Variants in FRMD1 observed in about 807,000 individuals in gnomAD.
FRMD1 encodes the protein FERM domain containing 1.
FRMD1 carries 51 observed loss-of-function variants against 54.9 expected under a neutral mutation model. The ratio of observed to expected loss-of-function variants is 0.93; its 90% CI spans 0.74 to 1.17. The LOEUF (loss-of-function observed/expected upper bound fraction) is 1.17, where lower values mean the gene tolerates loss of function less well. Among genes scored for constraint, FRMD1 ranks in the 50% most tolerant of loss-of-function variants. The pLI, the probability that FRMD1 is intolerant of heterozygous loss-of-function variation, is 0.00. For synonymous variants in FRMD1, 324 were observed against 306.4 expected, an observed-to-expected ratio of 1.06 and a Z score of -0.60; for missense variants, 729 against 743.0, an observed-to-expected ratio of 0.98 and a Z score of 0.22.
chr6:168,082,332 G>A (rs956650174), upstream of FRMD1, among the ~76,000 whole-genome samples: 1 of 152,190 alleles, frequency 6.6e-6, no homozygotes, highest in East Asian at 1.9e-4. Flanking sequence ...CCGGGGTCTT[G>A]CTCCATGCTC....
At chr6:168,072,308 C>T (rs1461860389) in intron 2 of FRMD1, among the ~76,000 whole-genome samples, 4 of 152,252 alleles carry the variant, frequency 2.6e-5, no homozygotes, top group Non-Finnish European at 4.4e-5. Flanking sequence ...CCCAACACCA[C>T]CTGCTGTCTC....
rs545828055 is a variant in FRMD1, at chr6:168,075,689, G to A, written c.214-354C>T. The A allele has an allele frequency of 1.4e-5, 20 of 1,420,498 alleles. 1 individual carries two copies. The highest frequency in any genetic ancestry group is 1.7e-5 in the Non-Finnish European group (17 of 1,030,202). The allele number at this position is 1,420,498 out of a possible 1,614,324, so 88.0% of individuals were successfully genotyped here. A position where few individuals can be genotyped will look rare whatever the true frequency, so the allele number is the denominator to read the frequency against. On this transcript the variant is annotated intron_variant, in intron 1 of 10. Coordinates refer to ENST00000283309, the MANE Select transcript of FRMD1 (RefSeq NM_024919.6). ...CGCCCTCTGGGCTCTGTCCTCGCAC[G>A]GCACAAATGAATGCTTGGTTCCCCA... is the stretch of plus-strand genomic sequence containing the variant.
chr6:168,062,848 G>T (rs776093836), intron 7 of FRMD1, 46 bp downstream of exon 7: 14 of 1,602,958 alleles, frequency 8.7e-6, no homozygotes, highest in Non-Finnish European at 1.1e-5. Flanking sequence ...AGGAGGGGGT[G>T]GGGGCAGGAC....
rs1799412089 is a variant in FRMD1, at chr6:168,056,521, G to A, written c.*576C>T. On this transcript the variant is annotated 3_prime_UTR_variant, in exon 11 of 11. Transcript: ENST00000283309. ...GAGGGTCTCTGGCTGGATCTCAGGT[G>A]ACAGAGCTGGGCTTGCACCACAAGA... is the stretch of plus-strand genomic sequence containing the variant. 6.6e-6 allele frequency: 1 copy of A among 152,338 alleles called. No individual in the cohort carries two copies. The highest frequency in any genetic ancestry group is 1.5e-5 in the Non-Finnish European group (1 of 68,150). 9.4% of individuals were successfully genotyped at this position (152,338 alleles called of 1,614,324 possible).
chr6:168,091,014 C>A (rs1433938937), intron 1 of FRMD1, among the ~76,000 whole-genome samples: 1 of 152,348 alleles, frequency 6.6e-6, no homozygotes, highest in South Asian at 2.1e-4. Flanking sequence ...CCCGGCTCCG[C>A]TCTCTGCCCT....
intron 4 of FRMD1, 109 bp downstream of exon 4, chr6:168,066,646 T>C (rs1041831839): frequency 9.7e-6 from 14 of 1,450,436 alleles, no homozygotes; most frequent in African/African-American, 5.7e-5. Flanking sequence ...GTTTGTTTTT[T>C]GTTTTTGGAT....
At chr6:168,057,635 T>G in intron 10 of FRMD1, 1 of 416,576 alleles carries the variant, frequency 2.4e-6, no homozygotes, top group Non-Finnish European at 4.4e-6. Flanking sequence ...TGGTGTAATT[T>G]AGGATCAGGT....
At chr6:168,066,692 C>G in intron 4 of FRMD1, 63 bp downstream of exon 4, 1 of 1,545,202 alleles carries the variant, frequency 6.5e-7, no homozygotes, top group Non-Finnish European at 8.7e-7. Context: ...CAGGGGACTT[C>G]CACGTCATGC....
upstream of FRMD1, among the ~76,000 whole-genome samples, chr6:168,084,173 A>G (rs1361355020): frequency 1.3e-5 from 2 of 152,050 alleles, no homozygotes; most frequent in South Asian, 2.1e-4. Flanking sequence ...GCCTCTTCCT[A>G]TTGGAAACAG....
Position 168,067,253 on chromosome 6 carries a change from C to T in FRMD1, c.384+114G>A, listed in dbSNP as rs539661217. Reference sequence around the variant, plus strand: ...TGCTCTCTCCCAACCCACGCATCCCCGCGGTCCCCCACAGCCCACCGCGGT... The same window carrying T: ...TGCTCTCTCCCAACCCACGCATCCCTGCGGTCCCCCACAGCCCACCGCGGT... On this transcript the variant is annotated intron_variant, in intron 3 of 10. Transcript: ENST00000283309. 1.2e-3 allele frequency: 878 copies of T among 718,390 alleles called. 4 individuals are homozygous for T. Among genetic ancestry groups the T allele is most frequent in the Middle Eastern group, 1.6e-3 (5 of 3,042 alleles). The allele number at this position is 718,390 out of a possible 1,614,324, so 44.5% of individuals were successfully genotyped here.
intron 7 of FRMD1, chr6:168,062,571 C>A: frequency 1.6e-6 from 2 of 1,218,128 alleles, no homozygotes; most frequent in South Asian, 1.5e-5. Flanking sequence ...CAGGAAGGGA[C>A]CTGCACCTCT....
upstream of FRMD1, among the ~76,000 whole-genome samples, chr6:168,085,481 C>T (rs548813042): frequency 2.0e-5 from 3 of 152,360 alleles, no homozygotes; most frequent in South Asian, 4.1e-4. Flanking sequence ...ATGTGCCCCT[C>T]TTGCCATTTC....
At chr6:168,058,327 G>C (rs200684472) in intron 10 of FRMD1, among the ~76,000 whole-genome samples, 9 of 96,960 alleles carry the variant, frequency 9.3e-5, no homozygotes, top group Non-Finnish European at 1.7e-4. Flanking sequence ...GCCCAGCCCT[G>C]TTCTCTCTCT....
rs770569329 is a variant in FRMD1, at chr6:168,066,825, C to T, written c.391G>A (p.Glu131Lys). ...GCCACGAAGGGGGCTCTGGGTTTCT[C>T]ATTTCCCTAGTGGGGAAAATGCAAG... ...DWKKERNEGN[E>K]KPRAPFVAFL... The change falls in exon 4 of 11, where the codon GAG becomes AAG. Residue 131 changes from glutamate (E) to lysine (K), a missense_variant. By Grantham distance (56) the Glu-to-Lys change is moderately conservative. Transcript: ENST00000283309. 1.5e-5 allele frequency: 24 copies of T among 1,612,928 alleles called. No individual in the cohort carries two copies.
chr6:168,080,319 G>C (rs1014379837), upstream of FRMD1, among the ~76,000 whole-genome samples: 2 of 145,402 alleles, frequency 1.4e-5, no homozygotes, highest in African/African-American at 5.0e-5. Flanking sequence ...CCAGACCCTC[G>C]AGGCCACACA....
chr6:168,068,782 A>G (rs1266193789), intron 2 of FRMD1, among the ~76,000 whole-genome samples: 1 of 152,224 alleles, frequency 6.6e-6, no homozygotes. Flanking sequence ...TGCATTACAT[A>G]TGAAGATACT....
intron 2 of FRMD1, among the ~76,000 whole-genome samples, chr6:168,071,307 T>A (rs909065348): frequency 2.0e-5 from 3 of 152,230 alleles, no homozygotes; most frequent in African/African-American, 7.2e-5. Flanking sequence ...TCACAAAATG[T>A]CTCAAAAATG....
chr6:168,065,102 A>G (rs1799962796), intron 4 of FRMD1, 45 bp from the exon 5 acceptor site: 3 of 1,559,854 alleles, frequency 1.9e-6, no homozygotes, highest in Non-Finnish European at 2.6e-6. Context: ...CGGTGTGGGG[A>G]CTGCTGGCCC....
upstream of FRMD1, chr6:168,081,559 G>A: frequency 1.4e-6 from 2 of 1,473,732 alleles, no homozygotes; most frequent in Non-Finnish European, 1.8e-6. Flanking sequence ...GAGATAGATA[G>A]AGGCCTGCTG....
Sources: allele counts gnomAD v4.1 joint callset (sites outside exome capture counted in the v4.1 genomes callset), GRCh38; gene constraint gnomAD v4.1.1; transcripts MANE v1.5; gene names NCBI Gene and HGNC (gene_info 2026-07-23, HGNC 2026-07-21).